The following CDK5RAP2 variants were observed in gnomAD, a reference collection of about 807,000 sequenced individuals.
The protein encoded by CDK5RAP2 is CDK5 regulatory subunit-associated protein 2.
A neutral mutation model predicts 232.9 loss-of-function variants in CDK5RAP2; 147 were observed. The observed-to-expected ratio is 0.63, with a 90% CI of 0.55 to 0.72. The LOEUF is 0.72. CDK5RAP2 is among the 30% of genes least tolerant of loss of function. CDK5RAP2 has a pLI of 0.00. For synonymous variants in CDK5RAP2, 833 were observed against 833.7 expected (o/e 1.00, Z 0.01); for missense variants, 2,195 against 2,231.5 (o/e 0.98, Z 0.33).
At chr9:120,521,612 T>C (rs1183006563) in intron 11 of CDK5RAP2, among the ~76,000 whole-genome samples, 1 of 151,372 alleles carries the variant, frequency 6.6e-6, no homozygotes, top group East Asian at 1.9e-4. Context: ...TCCCCAGCCA[T>C]AAAGAATTGT....
chr9:120,533,547 C>A (rs550107612), intron 7 of CDK5RAP2, among the ~76,000 whole-genome samples: 35 of 152,210 alleles, frequency 2.3e-4, no homozygotes, highest in African/African-American at 7.5e-4. Flanking sequence ...TGTCTGTAAT[C>A]CCAGCACTTT....
At chr9:120,492,921 C>T (rs900418498) in intron 12 of CDK5RAP2, among the ~76,000 whole-genome samples, 1 of 152,130 alleles carries the variant, frequency 6.6e-6, no homozygotes, top group African/African-American at 2.4e-5. Flanking sequence ...TATTTTCTGT[C>T]GTTTCCTTTC....
intron 17 of CDK5RAP2, 35 bp downstream of exon 17, chr9:120,470,071 AAAAAG>A (rs1382625349): frequency 9.7e-7 from 1 of 1,030,794 alleles, no homozygotes; most frequent in South Asian, 1.4e-5. Flanking sequence ...ACAATCTAAC[AAAAAG>A]AAAAGAAAAG....
rs750243247 is a variant in CDK5RAP2, at chr9:120,453,853, A to T, written c.2396T>A (p.Val799Glu). 1 of 1,614,206 alleles carries T rather than the reference A, an allele frequency of 6.2e-7. No homozygotes were observed. The highest frequency in any genetic ancestry group is 1.1e-5 in the South Asian group (1 of 91,084). Residue 799 changes from valine (V) to glutamate (E), a missense_variant, in exon 21 of 38, where the codon GTA (valine) becomes GAA (glutamate). By Grantham distance (121) the Val-to-Glu change is moderately radical. Transcript: ENST00000349780. ...TAGTTGTCCCAGAAGCAGTTCCCGT[A>T]CCACTTTCAGAAGGTCTGGCCTGTT... is the stretch of plus-strand genomic sequence containing the variant. ...LESRPDLLKVVRELLLGQLFL... is the reference protein window; with the variant it reads ...LESRPDLLKVERELLLGQLFL...
At chr9:120,482,034 T>C (rs2038347690) in intron 14 of CDK5RAP2, among the ~76,000 whole-genome samples, 1 of 152,126 alleles carries the variant, frequency 6.6e-6, no homozygotes, top group Non-Finnish European at 1.5e-5. Context: ...CCAGGGAACT[T>C]CCCATTTTTC....
chr9:120,552,228 C>G (rs565292985), intron 3 of CDK5RAP2, among the ~76,000 whole-genome samples: 1 of 152,014 alleles, frequency 6.6e-6, no homozygotes, highest in East Asian at 1.9e-4. Flanking sequence ...AATAGGAACA[C>G]TTTTACACTG....
At chr9:120,424,085 T>A (rs1012575758) in intron 25 of CDK5RAP2, among the ~76,000 whole-genome samples, 2 of 152,174 alleles carry the variant, frequency 1.3e-5, no homozygotes, top group African/African-American at 4.8e-5. Flanking sequence ...ACTATCTCCT[T>A]CAGGCCTCAC....
intron 28 of CDK5RAP2, among the ~76,000 whole-genome samples, chr9:120,413,036 A>T (rs1369114393): frequency 6.6e-6 from 1 of 152,212 alleles, no homozygotes; most frequent in Non-Finnish European, 1.5e-5. Flanking sequence ...CTCAATAAAA[A>T]GTTACTGCTA....
chr9:120,575,294 C>T (rs1479668354), intron 1 of CDK5RAP2, among the ~76,000 whole-genome samples: 1 of 152,042 alleles, frequency 6.6e-6, no homozygotes, highest in East Asian at 1.9e-4. Flanking sequence ...CTCAGGTGAC[C>T]TGACCGCCTC....
At position 120,470,190 on chromosome 9, in the gene CDK5RAP2, G is replaced by A; in HGVS notation, c.1889C>T (p.Thr630Ile). Residue 630 changes from threonine (T) to isoleucine (I), a missense_variant, in exon 17 of 38, where the codon ACA (threonine) becomes ATA (isoleucine). Physicochemically the swap from Thr to Ile is moderately conservative, Grantham distance 89. Coordinates refer to ENST00000349780, the MANE Select transcript of CDK5RAP2 (RefSeq NM_018249.6). ...EESFSLYSDQTSYLSICLEEN... is the reference protein window; with the variant it reads ...EESFSLYSDQISYLSICLEEN... ...TTCAAGGCAAATACTTAGATAAGAT[G>A]TTTGATCACTATAAAGTGAAAATGA... 6.3e-7 allele frequency: 1 copy of A among 1,579,764 alleles called. No individual in the cohort carries two copies. The highest frequency in any genetic ancestry group is 8.7e-7 in the Non-Finnish European group (1 of 1,153,368).
intron 32 of CDK5RAP2, among the ~76,000 whole-genome samples, chr9:120,405,418 G>C (rs2033364661): frequency 1.3e-5 from 2 of 152,190 alleles, no homozygotes; most frequent in South Asian, 4.1e-4. Flanking sequence ...GGTAAAGGCT[G>C]TTTGATGGCC....
intron 7 of CDK5RAP2, among the ~76,000 whole-genome samples, chr9:120,530,507 G>A (rs1228227439): frequency 6.6e-6 from 1 of 152,174 alleles, no homozygotes; most frequent in South Asian, 2.1e-4. Flanking sequence ...CAAAACCAAT[G>A]AAGCAGAGCT....
intron 25 of CDK5RAP2, among the ~76,000 whole-genome samples, chr9:120,434,418 T>C (rs2035457866): frequency 6.6e-6 from 1 of 152,000 alleles, no homozygotes; most frequent in South Asian, 2.1e-4. Context: ...TCTGGACTTT[T>C]ACACTGAATG....
intron 7 of CDK5RAP2, among the ~76,000 whole-genome samples, chr9:120,535,154 A>T (rs973554496): frequency 6.6e-6 from 1 of 152,182 alleles, no homozygotes; most frequent in Non-Finnish European, 1.5e-5. Flanking sequence ...TAAAACTTTC[A>T]TTTTCCAGAT....
At chr9:120,521,806 T>C (rs2040677856) in intron 11 of CDK5RAP2, among the ~76,000 whole-genome samples, 1 of 151,796 alleles carries the variant, frequency 6.6e-6, no homozygotes, top group Admixed American at 6.6e-5. Context: ...CCACCACACC[T>C]GGCTAATTTT....
chr9:120,432,211 T>C (rs1408001257), intron 25 of CDK5RAP2, among the ~76,000 whole-genome samples: 2 of 152,226 alleles, frequency 1.3e-5, no homozygotes. Flanking sequence ...TACAAAAGAA[T>C]GCCCTGCAGC....
chr9:120,545,671 A>G, intron 5 of CDK5RAP2, 43 bp downstream of exon 5: 1 of 1,450,794 alleles, frequency 6.9e-7, no homozygotes, highest in Non-Finnish European at 9.7e-7. Context: ...TGACCAACCC[A>G]GTGTGGGCGA....
chr9:120,405,728 CA>C (rs1445034210), intron 32 of CDK5RAP2, among the ~76,000 whole-genome samples: 2 of 152,142 alleles, frequency 1.3e-5, no homozygotes, highest in African/African-American at 4.8e-5. Context: ...TATTTAACAG[CA>C]AAAAGCATAT....
At chr9:120,533,575 C>CAGTGG (rs2041249969) in intron 7 of CDK5RAP2, among the ~76,000 whole-genome samples, 1 of 151,846 alleles carries the variant, frequency 6.6e-6, no homozygotes, top group Non-Finnish European at 1.5e-5. Context: ...CGGCAAATCA[C>CAGTGG]CTGAGGTCAG....
Sources: allele counts gnomAD v4.1 joint callset (sites outside exome capture counted in the v4.1 genomes callset), GRCh38; gene constraint gnomAD v4.1.1; transcripts MANE v1.5; gene names NCBI Gene and HGNC (gene_info 2026-07-23, HGNC 2026-07-21).